Variants in HTR2C observed in about 807,000 individuals in gnomAD.
The protein encoded by HTR2C is 5-hydroxytryptamine receptor 2C.
A neutral mutation model predicts 21.0 loss-of-function variants in HTR2C; 5 were observed. The observed-to-expected ratio is 0.24, with a 90% confidence interval of 0.12 to 0.50. The LOEUF is 0.50. HTR2C is among the 20% of genes least tolerant of loss of function. The pLI, the probability that HTR2C is intolerant of heterozygous loss-of-function variation, is 0.98. For missense variants in HTR2C, 271 were observed against 371.2 expected, an observed-to-expected ratio of 0.73 and a Z score of 2.22; for synonymous variants, 150 against 145.3, an observed-to-expected ratio of 1.03 and a Z score of -0.23.
intron 4 of HTR2C, among the ~76,000 whole-genome samples, chrX:114,764,044 T>C (rs1261596215): frequency 8.9e-6 from 1 of 111,906 alleles, no homozygotes; most frequent in Non-Finnish European, 1.9e-5. Flanking sequence ...TTTGTTCTTA[T>C]ATCTAGAGTC....
At chrX:114,826,225 G>A (rs782675718) in intron 4 of HTR2C, among the ~76,000 whole-genome samples, 63 of 109,707 alleles carry the variant, frequency 5.7e-4, no homozygotes, top group Non-Finnish European at 1.1e-3. Context: ...TGTATGCCAC[G>A]ATGCCGGGCT....
intron 5 of HTR2C, among the ~76,000 whole-genome samples, chrX:114,851,258 A>G (rs916890625): frequency 8.9e-6 from 1 of 111,962 alleles, no homozygotes; most frequent in Non-Finnish European, 1.9e-5. Flanking sequence ...TATTCCCATC[A>G]TTGCACAAGA....
At chrX:114,674,160 C>A (rs1463837970) in intron 2 of HTR2C, among the ~76,000 whole-genome samples, 1 of 112,174 alleles carries the variant, frequency 8.9e-6, no homozygotes. Flanking sequence ...CACAGCCCAG[C>A]AGAGAGCTTC....
intron 1 of HTR2C, among the ~76,000 whole-genome samples, chrX:114,600,631 C>A (rs1344059407): frequency 3.6e-5 from 4 of 111,165 alleles, no homozygotes; most frequent in African/African-American, 1.3e-4. Context: ...TTAAGAATCA[C>A]ATTTACTGGG....
chrX:114,884,730 T>C (rs2071207746), intron 5 of HTR2C, among the ~76,000 whole-genome samples: 1 of 111,767 alleles, frequency 8.9e-6, no homozygotes, highest in Non-Finnish European at 1.9e-5. Context: ...ACAGCTACTA[T>C]GGAAACCAGT....
rs1460657398 is a variant in HTR2C at position 114,893,847 on chromosome X, T to C, written c.551-12742T>C. On this transcript the variant is annotated intron_variant, in intron 5 of 5. Transcript: ENST00000276198. Reference sequence around the variant, plus strand: ...TATATAAAGAGCTCTTAAAAATAAGTCAAACAACTCAACTGAAAATGGGAA... The same window carrying C: ...TATATAAAGAGCTCTTAAAAATAAGCCAAACAACTCAACTGAAAATGGGAA... 2.7e-5 allele frequency among the ~76,000 whole-genome samples: 3 copies of C among 111,524 alleles called. No individual in the cohort carries two copies. The East Asian group carries it at 8.4e-4, about 31-fold the overall frequency.
chrX:114,825,107 A>AG (rs782544382), intron 4 of HTR2C, among the ~76,000 whole-genome samples: 43 of 111,777 alleles, frequency 3.8e-4, no homozygotes, highest in African/African-American at 1.4e-3. Flanking sequence ...TCAATATTAT[A>AG]GTATTGCCTA....
At chrX:114,677,542 T>C (rs1931602773) in intron 2 of HTR2C, among the ~76,000 whole-genome samples, 1 of 111,235 alleles carries the variant, frequency 9.0e-6, no homozygotes, top group East Asian at 2.8e-4. Context: ...TGAAACAGTA[T>C]ACTAAACAAA....
intron 4 of HTR2C, among the ~76,000 whole-genome samples, chrX:114,817,264 C>T (rs1248755318): frequency 9.0e-6 from 1 of 110,982 alleles, no homozygotes; most frequent in Non-Finnish European, 1.9e-5. Context: ...TTCAAAACCA[C>T]CATTGTCTAC....
intron 4 of HTR2C, among the ~76,000 whole-genome samples, chrX:114,748,073 T>G (rs2069723031): frequency 8.9e-6 from 1 of 112,360 alleles, no homozygotes; most frequent in Admixed American, 9.5e-5. Context: ...TAGCAAGCTC[T>G]TAGGATGCAA....
At chrX:114,801,885 C>G (rs1341337222) in intron 4 of HTR2C, among the ~76,000 whole-genome samples, 1 of 110,870 alleles carries the variant, frequency 9.0e-6, no homozygotes, top group East Asian at 2.8e-4. Context: ...AGTCACCCTG[C>G]TGTGCTATCA....
At chrX:114,752,163 A>G (rs1253794451) in intron 4 of HTR2C, among the ~76,000 whole-genome samples, 1 of 112,029 alleles carries the variant, frequency 8.9e-6, no homozygotes, top group Non-Finnish European at 1.9e-5. Context: ...TTAGATATTT[A>G]GACAATGAAT....
intron 4 of HTR2C, among the ~76,000 whole-genome samples, chrX:114,766,286 A>G (rs1556435002): frequency 1.8e-5 from 2 of 111,958 alleles, no homozygotes; most frequent in African/African-American, 6.5e-5. Context: ...GGAGATGAAA[A>G]TAAGAACTTC....
chrX:114,869,543 CAG>C (rs1556475707), intron 5 of HTR2C, among the ~76,000 whole-genome samples: 2 of 112,200 alleles, frequency 1.8e-5, no homozygotes, highest in Non-Finnish European at 3.8e-5. Flanking sequence ...ATTTGTTTAT[CAG>C]TTCTAATAGT....
chrX:114,761,561 T>A (rs1317852523), intron 4 of HTR2C, among the ~76,000 whole-genome samples: 2 of 110,918 alleles, frequency 1.8e-5, no homozygotes, highest in East Asian at 2.8e-4. Flanking sequence ...CTGCAAAAAA[T>A]TTCACATGCG....
At chrX:114,613,624 T>A (rs1928835990) in intron 1 of HTR2C, among the ~76,000 whole-genome samples, 191 bp from the exon 2 acceptor site, 1 of 111,854 alleles carries the variant, frequency 8.9e-6, no homozygotes, top group Admixed American at 9.5e-5. Context: ...AAACGCCTCT[T>A]ACATACCTGC....
chrX:114,601,946 T>G (rs1928121075), intron 1 of HTR2C, among the ~76,000 whole-genome samples: 1 of 97,459 alleles, frequency 1.0e-5, no homozygotes, highest in African/African-American at 3.9e-5. Flanking sequence ...AGAAGAAACA[T>G]TTGTCGTATA....
chrX:114,604,544 C>T (rs1395497935), intron 1 of HTR2C, among the ~76,000 whole-genome samples: 1 of 109,860 alleles, frequency 9.1e-6, no homozygotes, highest in Admixed American at 9.7e-5. Flanking sequence ...GCTTCCGAGG[C>T]GATCGGGCAG....
chrX:114,656,273 C>CT (rs2147838258), intron 2 of HTR2C, among the ~76,000 whole-genome samples: 1 of 111,383 alleles, frequency 9.0e-6, no homozygotes, highest in South Asian at 3.7e-4. Context: ...AATCTTCCAA[C>CT]TTCTTTTTGT....
Sources: gnomAD v4.1 joint callset for allele counts (sites outside exome capture counted in the v4.1 genomes callset) on GRCh38, gnomAD v4.1.1 for gene constraint, MANE v1.5 for transcripts, NCBI Gene and HGNC (gene_info 2026-07-23, HGNC 2026-07-21) for gene names.